Variants in TEX11 observed in about 807,000 individuals in gnomAD.
The protein encoded by TEX11 is testis-expressed protein 11.
TEX11 carries 7 observed loss-of-function variants against 84.4 expected under a neutral mutation model. That is an observed-to-expected ratio of 0.08 (90% confidence interval 0.05 to 0.16). TEX11 has a LOEUF of 0.16. TEX11 is among the 10% of genes least tolerant of loss of function. The pLI is 1.00. For missense variants in TEX11, 551 were observed against 660.5 expected (o/e 0.83, Z 1.82); for synonymous variants, 264 against 222.8 (o/e 1.18, Z -1.64).
chrX:70,883,684 C>T (rs777029988), intron 2 of TEX11, among the ~76,000 whole-genome samples: 1 of 111,846 alleles, frequency 8.9e-6, no homozygotes, highest in East Asian at 2.8e-4. Context: ...AATTATCTTC[C>T]TGGCTACAAA....
intron 25 of TEX11, among the ~76,000 whole-genome samples, chrX:70,555,159 A>G (rs1428450601): frequency 9.0e-6 from 1 of 111,706 alleles, no homozygotes; most frequent in African/African-American, 3.3e-5. Context: ...TGAACTTTCA[A>G]CTGGGCTGGT....
chrX:70,578,546 A>C (rs2088711636), intron 25 of TEX11, among the ~76,000 whole-genome samples: 1 of 111,555 alleles, frequency 9.0e-6, no homozygotes, highest in African/African-American at 3.3e-5. Flanking sequence ...ATCAGAATTC[A>C]TAAGATCGCT....
At chrX:70,698,074 T>C (rs1287205523) in intron 13 of TEX11, among the ~76,000 whole-genome samples, 2 of 111,406 alleles carry the variant, frequency 1.8e-5, no homozygotes, top group Non-Finnish European at 3.8e-5. Context: ...TACACACTTA[T>C]GGGGTACATA....
chrX:70,767,701 T>C (rs2090949199), intron 9 of TEX11, among the ~76,000 whole-genome samples: 1 of 111,936 alleles, frequency 8.9e-6, no homozygotes, highest in South Asian at 3.8e-4. Flanking sequence ...CTGTTCACAA[T>C]AGCCAAGATT....
In TEX11 at chrX:70,817,288, T is replaced by C. The variant is rs369979350; in HGVS notation, c.607-10498A>G. Among the ~76,000 whole-genome samples, 137 of 87,136 alleles carry C rather than the reference T, an allele frequency of 1.6e-3. 1 individual carries two copies. The East Asian group carries it at 0.03, about 19-fold the overall frequency. 75.7% of individuals were successfully genotyped at this position (87,136 alleles called of 115,157 possible). On this transcript the variant is annotated intron_variant, in intron 8 of 29. Transcript: ENST00000374333. Reference sequence around the variant, plus strand: ...ACACACACACACACACACACACACATATGCTCTTTCCACTGTGAGGGTCTG... The same window carrying C: ...ACACACACACACACACACACACACACATGCTCTTTCCACTGTGAGGGTCTG...
At chrX:70,514,033 T>C in the TEX11 span, among the ~76,000 whole-genome samples, 1 of 109,184 alleles carries the variant, frequency 9.2e-6, no homozygotes, top group Non-Finnish European at 1.9e-5. Flanking sequence ...CCGTATGAAA[T>C]TGCCATTATC....
In TEX11 at chrX:70,793,104, C is replaced by A. The variant is rs746355016; in HGVS notation, c.692+13601G>T. On this transcript the variant is annotated intron_variant, in intron 9 of 29. Coordinates refer to ENST00000374333, the MANE Select transcript of TEX11 (RefSeq NM_031276.3). Reference sequence around the variant, plus strand: ...TTAAAAACAAAAACCACATGATCATCTCTAATAGTCACAGAAAATGCATTC... The same window carrying A: ...TTAAAAACAAAAACCACATGATCATATCTAATAGTCACAGAAAATGCATTC... Among the ~76,000 whole-genome samples, 7 of 111,552 alleles carry A rather than the reference C, an allele frequency of 6.3e-5. No individual in the cohort carries two copies. The South Asian group carries it at 2.6e-3, about 42-fold the overall frequency.
At chrX:70,525,161 A>G (rs2087811185), downstream of TEX11, among the ~76,000 whole-genome samples, 1 of 111,216 alleles carries the variant, frequency 9.0e-6, no homozygotes, top group South Asian at 3.8e-4. Flanking sequence ...GGCCTGGGTG[A>G]CAGAGCAAAA....
intron 9 of TEX11, among the ~76,000 whole-genome samples, chrX:70,777,111 G>A (rs1303199314): frequency 9.3e-6 from 1 of 107,048 alleles, no homozygotes; most frequent in Non-Finnish European, 1.9e-5. Flanking sequence ...CTCCTGGGCT[G>A]AGGCATTCTA....
intron 2 of TEX11, among the ~76,000 whole-genome samples, chrX:70,887,419 A>G (rs760722796): frequency 1.8e-5 from 2 of 111,844 alleles, no homozygotes; most frequent in African/African-American, 3.2e-5. Context: ...TTAAGTAAAC[A>G]TCGGCAGTAG....
intron 13 of TEX11, among the ~76,000 whole-genome samples, chrX:70,709,881 T>C (rs943968432): frequency 9.0e-6 from 1 of 111,221 alleles, no homozygotes; most frequent in African/African-American, 3.3e-5. Context: ...ATTCTGATCT[T>C]GACTTCACAA....
intron 25 of TEX11, among the ~76,000 whole-genome samples, chrX:70,581,069 A>G (rs1179448190): frequency 1.0e-5 from 1 of 97,031 alleles, no homozygotes; most frequent in Admixed American, 1.1e-4. Context: ...TGGCACAATC[A>G]TGGCTCACTG....
intron 1 of TEX11, among the ~76,000 whole-genome samples, chrX:70,908,124 A>C: frequency 9.0e-6 from 1 of 111,700 alleles, no homozygotes; most frequent in Non-Finnish European, 1.9e-5. Context: ...CCAACCGCAC[A>C]TTCAAAGCAT....
intron 7 of TEX11, 83 bp from the exon 8 acceptor site, chrX:70,833,676 G>C: frequency 1.4e-6 from 1 of 723,769 alleles, no homozygotes; most frequent in Non-Finnish European, 2.1e-6. Context: ...ATTTTAACTA[G>C]TGTTTAAAAG....
chrX:70,579,112 A>G (rs980773056), intron 25 of TEX11, among the ~76,000 whole-genome samples: 9 of 111,130 alleles, frequency 8.1e-5, no homozygotes, highest in African/African-American at 2.9e-4. Flanking sequence ...TTCACAAAAA[A>G]TTCTGCTAGC....
chrX:70,735,807 T>C (rs1425159367), intron 11 of TEX11, among the ~76,000 whole-genome samples: 1 of 111,826 alleles, frequency 8.9e-6, no homozygotes, highest in Non-Finnish European at 1.9e-5. Flanking sequence ...TACCAGTGGA[T>C]GTAAAGTGGT....
intron 16 of TEX11, among the ~76,000 whole-genome samples, chrX:70,665,720 C>T (rs751072765): frequency 8.9e-6 from 1 of 112,053 alleles, no homozygotes; most frequent in Non-Finnish European, 1.9e-5. Context: ...TATTTCTCAA[C>T]TCCATTGGCC....
chrX:70,629,935 T>C (rs2089490674), intron 17 of TEX11, among the ~76,000 whole-genome samples, 200 bp from the exon 18 acceptor site: 1 of 112,207 alleles, frequency 8.9e-6, no homozygotes, highest in Non-Finnish European at 1.9e-5. Flanking sequence ...CAACTGCACA[T>C]GCACTTCTGT....
At chrX:70,557,305 T>TA (rs145004457) in intron 25 of TEX11, among the ~76,000 whole-genome samples, 72 of 93,040 alleles carry the variant, frequency 7.7e-4, no homozygotes, top group Admixed American at 1.8e-3. Flanking sequence ...CCCATCTCTA[T>TA]AAAAAAAAAA....
Sources: gnomAD v4.1 joint callset for allele counts (sites outside exome capture counted in the v4.1 genomes callset) on GRCh38, gnomAD v4.1.1 for gene constraint, MANE v1.5 for transcripts, NCBI Gene and HGNC (gene_info 2026-07-23, HGNC 2026-07-21) for gene names.